TCF12: variants seen among roughly 807,000 people sequenced by gnomAD.
TCF12 encodes the protein DNA-binding protein HTF4.
Under a neutral mutation model 86.0 loss-of-function variants are expected in TCF12, and 45 were observed. The observed-to-expected ratio is 0.52, with a 90% confidence interval of 0.41 to 0.67. The LOEUF (loss-of-function observed/expected upper bound fraction) is 0.67, where lower values mean the gene tolerates loss of function less well. Ranked by LOEUF, TCF12 falls within the 30% of genes least tolerant of loss-of-function variation. The pLI is 0.00. For missense variants in TCF12, 881 were observed against 859.9 expected, an observed-to-expected ratio of 1.02 and a Z score of -0.31; for synonymous variants, 330 against 299.6, an observed-to-expected ratio of 1.10 and a Z score of -1.05.
intron 3 of TCF12, among the ~76,000 whole-genome samples, chr15:57,034,151 T>C (rs1054104010): frequency 6.6e-6 from 1 of 152,228 alleles, no homozygotes; most frequent in African/African-American, 2.4e-5. Context: ...TAGGTGTGCT[T>C]GGATAACCTA....
chr15:57,196,272 CATTTTCATAGT>C (rs1283642133), intron 7 of TCF12, among the ~76,000 whole-genome samples: 1 of 151,976 alleles, frequency 6.6e-6, no homozygotes, highest in African/African-American at 2.4e-5. Flanking sequence ...ATTTACATAG[CATTTTCATAGT>C]ATTAGGTATT....
chr15:57,212,094 A>G (rs534854041), intron 8 of TCF12, among the ~76,000 whole-genome samples: 1 of 152,242 alleles, frequency 6.6e-6, no homozygotes, highest in African/African-American at 2.4e-5. Context: ...AAGATTCAAA[A>G]TACATCAGAA....
At chr15:57,082,563 A>C (rs1289602942) in intron 4 of TCF12, among the ~76,000 whole-genome samples, 1 of 152,334 alleles carries the variant, frequency 6.6e-6, no homozygotes, top group African/African-American at 2.4e-5. Context: ...GGTTAAGTGA[A>C]CTGATAAGGA....
chr15:57,232,693 C>A lies in TCF12; in HGVS notation c.826-19C>A. ...TATTCAGAAAATATATTTAATAGATCATATCTCTTTCCATCTAGAGTTATC... is the reference window on the plus strand; with the variant it reads ...TATTCAGAAAATATATTTAATAGATAATATCTCTTTCCATCTAGAGTTATC... On this transcript the variant is annotated intron_variant, in intron 10 of 20. Transcript: ENST00000333725. The A allele has an allele frequency of 6.2e-7, 1 of 1,604,942 alleles. No individual in the cohort carries two copies. The highest frequency in any genetic ancestry group is 8.5e-7 in the Non-Finnish European group (1 of 1,176,068).
At chr15:57,160,669 C>T (rs1354891979) in intron 5 of TCF12, among the ~76,000 whole-genome samples, 1 of 151,854 alleles carries the variant, frequency 6.6e-6, no homozygotes, top group Non-Finnish European at 1.5e-5. Flanking sequence ...GAGGGTAGAG[C>T]TTGTGGGGGT....
At chr15:57,105,433 C>T (rs969170884) in intron 5 of TCF12, among the ~76,000 whole-genome samples, 9 of 151,954 alleles carry the variant, frequency 5.9e-5, no homozygotes, top group Non-Finnish European at 1.2e-4. Context: ...TTTTTTTAGA[C>T]GGAGTCTCAT....
chr15:56,922,007 TTAAG>T (rs1168521047), intron 3 of TCF12, among the ~76,000 whole-genome samples: 6 of 152,056 alleles, frequency 3.9e-5, no homozygotes, highest in Admixed American at 2.0e-4. Flanking sequence ...TTTTTGGATT[TTAAG>T]TAGGGTAAAG....
chr15:57,284,725 A>G (rs779359515), intron 20 of TCF12, among the ~76,000 whole-genome samples: 2 of 152,160 alleles, frequency 1.3e-5, no homozygotes, highest in Admixed American at 6.5e-5. Context: ...GTCTCGCTCT[A>G]GTTAGTTCTA....
At chr15:57,018,969 T>C (rs2065312444) in intron 3 of TCF12, among the ~76,000 whole-genome samples, 1 of 152,180 alleles carries the variant, frequency 6.6e-6, no homozygotes, top group African/African-American at 2.4e-5. Context: ...CTGGACTGAC[T>C]AAGGCTTACG....
intron 3 of TCF12, among the ~76,000 whole-genome samples, chr15:56,954,781 AATAAG>A (rs1273129819): frequency 5.3e-5 from 8 of 152,240 alleles, no homozygotes; most frequent in African/African-American, 1.7e-4. Context: ...CACTTCTCAA[AATAAG>A]ATATCTGTGC....
At chr15:57,269,067 C>G (rs1257797974) in intron 18 of TCF12, among the ~76,000 whole-genome samples, 2 of 152,028 alleles carry the variant, frequency 1.3e-5, no homozygotes, top group Non-Finnish European at 2.9e-5. Flanking sequence ...GAGTTCAAGT[C>G]CTGGATATCC....
chr15:57,100,362 G>A (rs150512100), intron 5 of TCF12, among the ~76,000 whole-genome samples: 2 of 151,826 alleles, frequency 1.3e-5, no homozygotes, highest in Non-Finnish European at 1.5e-5. Context: ...TTTAAGAAAA[G>A]TCCTAGAGCA....
chr15:56,948,165 A>C (rs990710459), intron 3 of TCF12, among the ~76,000 whole-genome samples: 6 of 151,914 alleles, frequency 3.9e-5, no homozygotes, highest in Non-Finnish European at 7.4e-5. Flanking sequence ...TCTGTTGCCC[A>C]GGCTGGAATG....
chr15:57,056,115 G>GA (rs1404773236), intron 3 of TCF12, among the ~76,000 whole-genome samples: 1 of 97,698 alleles, frequency 1.0e-5, no homozygotes, highest in Non-Finnish European at 2.2e-5. Context: ...TTAGTTTTAG[G>GA]GGTGTGTGTG....
At chr15:57,165,134 CTGTG>C (rs10651646) in intron 5 of TCF12, among the ~76,000 whole-genome samples, 341 of 147,142 alleles carry the variant, frequency 2.3e-3, no homozygotes, top group South Asian at 7.0e-3. Flanking sequence ...GAATGTATGT[CTGTG>C]TGTGTGTGTG....
Position 57,001,124 on chromosome 15 carries a change from C to G in TCF12, c.149-62626C>G, listed in dbSNP as rs374300191. Among the ~76,000 whole-genome samples the G allele has an allele frequency of 3.0e-4, 44 of 147,946 alleles. 1 individual carries two copies. The East Asian group carries it at 5.4e-3, about 18-fold the overall frequency. ...CTGTACCTCCCAGGTTCAAGTGATT[C>G]TCCTATCTCAGCCTGCTGAGTAGCT... On this transcript the variant is annotated intron_variant, in intron 3 of 20. Transcript: ENST00000333725.
At chr15:57,205,141 C>T (rs368941684) in intron 8 of TCF12, among the ~76,000 whole-genome samples, 6 of 151,964 alleles carry the variant, frequency 3.9e-5, no homozygotes, top group Admixed American at 6.6e-5. Context: ...AATGGAACCC[C>T]GCCTCTATAA....
intron 3 of TCF12, among the ~76,000 whole-genome samples, chr15:57,012,690 A>G (rs1167194237): frequency 4.6e-5 from 7 of 152,162 alleles, no homozygotes; most frequent in African/African-American, 9.7e-5. Context: ...CTGGACTTCA[A>G]TTTCTAGGCC....
chr15:56,977,976 C>A (rs1410874890), intron 3 of TCF12, among the ~76,000 whole-genome samples: 13 of 152,090 alleles, frequency 8.5e-5, no homozygotes, highest in Non-Finnish European at 1.8e-4. Context: ...CGGGACCACT[C>A]TTTGACAACC....
Sources: allele counts gnomAD v4.1 joint callset (sites outside exome capture counted in the v4.1 genomes callset), GRCh38; gene constraint gnomAD v4.1.1; transcripts MANE v1.5; gene names NCBI Gene and HGNC (gene_info 2026-07-23, HGNC 2026-07-21).